Variants in CLK4 observed in about 807,000 individuals in gnomAD.
CLK4 encodes the protein dual specificity protein kinase CLK4.
Under a neutral mutation model 64.4 loss-of-function variants are expected in CLK4, and 37 were observed. The observed-to-expected ratio is 0.57, with a 90% CI of 0.44 to 0.76. The LOEUF is 0.76. CLK4 is among the 30% of genes least tolerant of loss of function. CLK4 has a pLI of 0.00. For missense variants in CLK4, 457 were observed against 605.1 expected (o/e 0.76, Z 2.57); for synonymous variants, 175 against 191.6 (o/e 0.91, Z 0.72).
rs564040478 is a variant in CLK4, at chr5:178,611,305, C to CT, written c.1051+1110dup. Among the ~76,000 whole-genome samples, 517 of 152,308 alleles carry CT rather than the reference C, an allele frequency of 3.4e-3. 1 individual carries two copies. Among genetic ancestry groups the CT allele is most frequent in the African/African-American group, 0.011 (466 of 41,554 alleles). On this transcript the variant is annotated intron_variant, in intron 9 of 12. Coordinates refer to ENST00000316308, the MANE Select transcript of CLK4 (RefSeq NM_020666.3). ...TTCTTTTACCCTTACACAGTAGCTC[C>CT]TTTCAATTTGTACTACGCAGAAACC...
At position 178,626,973 on chromosome 5, in the gene CLK4, C is replaced by G. The variant is rs1375273795; in HGVS notation, c.-28G>C. 6.5e-6 allele frequency: 1 copy of G among 152,798 alleles called. No individual in the cohort carries two copies. Among genetic ancestry groups the G allele is most frequent in the Non-Finnish European group, 1.5e-5 (1 of 68,134 alleles). The allele number at this position is 152,798 out of a possible 1,614,324, so 9.5% of individuals were successfully genotyped here. A position where few individuals can be genotyped will look rare whatever the true frequency, so the allele number is the denominator to read the frequency against. ...CCGCAAAAGCAAATGGCCCTTCGGC[C>G]GAGAAATGTCGCCAAACTGCCGTCT... On this transcript the variant is annotated 5_prime_UTR_variant, in exon 1 of 13. Coordinates refer to ENST00000316308, the MANE Select transcript of CLK4 (RefSeq NM_020666.3).
rs1430041560 is a variant in CLK4, at chr5:178,617,908, G to A, written c.385-474C>T. The A allele has an allele frequency of 2.0e-5, 3 of 152,046 alleles. No individual in the cohort carries two copies. The highest frequency in any genetic ancestry group is 2.0e-4 in the Admixed American group (3 of 15,264). 9.4% of individuals were successfully genotyped at this position (152,046 alleles called of 1,614,324 possible). A position where few individuals can be genotyped will look rare whatever the true frequency, so the allele number is the denominator to read the frequency against. On this transcript the variant is annotated intron_variant, in intron 3 of 12. Coordinates refer to ENST00000316308, the MANE Select transcript of CLK4 (RefSeq NM_020666.3). The surrounding 1 kb of genome is among the most constrained non-coding windows in gnomAD (Gnocchi z 5.2). The stretch of plus-strand genomic sequence containing the variant: ...GATTAAAATAAAAGGGGAAAATAAA[G>A]GCTAGTTAATTTCAATGTTCAATCT...
intron 9 of CLK4, among the ~76,000 whole-genome samples, chr5:178,609,034 A>G (rs1326035708): frequency 6.6e-6 from 1 of 152,188 alleles, no homozygotes; most frequent in Non-Finnish European, 1.5e-5. Flanking sequence ...ATTGGAGCTC[A>G]GAGAGGGATC....
rs1764635846 is a variant in CLK4, at chr5:178,616,930, A to G, written c.494T>C (p.Leu165Ser). 1.2e-6 allele frequency: 2 copies of G among 1,613,676 alleles called. No individual in the cohort carries two copies. The highest frequency in any genetic ancestry group is 1.7e-6 in the Non-Finnish European group (2 of 1,179,534). ...AACTTTGCCAAAGGCTCCTTCACCC[A>G]AAGTGTCCACGATTTCATCTAGAGT... ...LRARYEIVDTLGEGAFGKVVE... is the reference protein window; with the variant it reads ...LRARYEIVDTSGEGAFGKVVE... The change falls in exon 5 of 13, where the codon TTG becomes TCG. Residue 165 changes from leucine to serine, a missense_variant. Coordinates refer to ENST00000316308, the MANE Select transcript of CLK4 (RefSeq NM_020666.3).
intron 9 of CLK4, among the ~76,000 whole-genome samples, chr5:178,611,118 A>C (rs548545178): frequency 2.6e-5 from 4 of 152,154 alleles, no homozygotes; most frequent in Admixed American, 1.3e-4. Context: ...TATTTTACTC[A>C]ATCTAGGATA....
Position 178,613,944 on chromosome 5 carries a change from A to G in CLK4, c.543-101T>C, listed in dbSNP as rs905988941. On this transcript the variant is annotated intron_variant, in intron 5 of 12. Coordinates refer to ENST00000316308, the MANE Select transcript of CLK4 (RefSeq NM_020666.3). ...TCTTAATTACCAATTCCTCTATGCC[A>G]TTTAAAATAATCTTTCAGAACATAT... 8.0e-6 allele frequency: 6 copies of G among 746,244 alleles called. No individual in the cohort carries two copies. In the African/African-American group the frequency reaches 8.9e-5, roughly 11 times the overall value. 46.2% of individuals were successfully genotyped at this position (746,244 alleles called of 1,614,324 possible).
At chr5:178,621,213 G>C (rs1265474538) in intron 2 of CLK4, among the ~76,000 whole-genome samples, 1 of 152,164 alleles carries the variant, frequency 6.6e-6, no homozygotes, top group African/African-American at 2.4e-5. Flanking sequence ...CTGGGCCTTA[G>C]GTCATACTCA....
In CLK4 at chr5:178,609,357, C is replaced by T. The variant is rs2113802500; in HGVS notation, c.1052-899G>A. ...TTAAGTCATTTTTGTTAACCATCCG[C>T]TCCAGTGTCTGTCATTTGAACAAAT... On this transcript the variant is annotated intron_variant, in intron 9 of 12. Transcript: ENST00000316308. 1.3e-5 allele frequency among the ~76,000 whole-genome samples: 2 copies of T among 152,308 alleles called. 1 individual carries two copies. The highest frequency in any genetic ancestry group is 4.1e-4 in the South Asian group (2 of 4,830).
intron 10 of CLK4, among the ~76,000 whole-genome samples, chr5:178,606,786 A>T (rs958377301): frequency 1.3e-4 from 19 of 151,922 alleles, no homozygotes; most frequent in African/African-American, 4.1e-4. Context: ...AACACAGCAA[A>T]ACCCTCTACT....
chr5:178,613,555 A>G lies in CLK4; in HGVS notation c.744T>C (p.Asp248=), dbSNP rs1764587223. 6.2e-7 allele frequency: 1 copy of G among 1,612,382 alleles called. No individual in the cohort carries two copies. The highest frequency in any genetic ancestry group is 2.2e-5 in the East Asian group (1 of 44,812). Residue 248 remains aspartate (D), a synonymous_variant, in exon 7 of 13, where the codon GAT becomes GAC. Transcript: ENST00000316308. The part of the protein sequence containing the change: ...VFELLGLSTY[D]FIKENSFLPF... ...GCAGAAAGCTGTTTTCTTTAATGAA[A>G]TCGTAAGTACTAAGTCCCAGTAGTT...
At position 178,616,904 on chromosome 5, in the gene CLK4, C is replaced by G; in HGVS notation, c.520G>C (p.Val174Leu). Reference sequence around the variant, plus strand: ...TACATGCCATGATCAATGCACTCTACAACTTTGCCAAAGGCTCCTTCACCC... The same window carrying G: ...TACATGCCATGATCAATGCACTCTAGAACTTTGCCAAAGGCTCCTTCACCC... ...TLGEGAFGKV[V>L]ECIDHGMDGM... Residue 174 changes from valine (V) to leucine (L), a missense_variant, in exon 5 of 13, where the codon GTA (valine) becomes CTA (leucine). Physicochemically the swap from Val to Leu is conservative, Grantham distance 32. Transcript: ENST00000316308. The G allele has an allele frequency of 1.2e-6, 2 of 1,613,922 alleles. No individual in the cohort carries two copies. Among genetic ancestry groups the G allele is most frequent in the South Asian group, 2.2e-5 (2 of 91,084 alleles).
intron 2 of CLK4, chr5:178,622,322 C>G (rs1236396968): frequency 1.9e-6 from 1 of 540,076 alleles, no homozygotes; most frequent in East Asian, 1.5e-4. Context: ...CATGATTTGT[C>G]TGCACTGACT....
At chr5:178,620,826 G>T (rs918713225) in intron 2 of CLK4, among the ~76,000 whole-genome samples, 3 of 152,112 alleles carry the variant, frequency 2.0e-5, no homozygotes, top group African/African-American at 7.2e-5. Context: ...TCAGAGATGG[G>T]GGAAAAAATC....
intron 2 of CLK4, chr5:178,622,352 G>T: frequency 1.2e-6 from 1 of 854,672 alleles, no homozygotes; most frequent in Non-Finnish European, 1.4e-6. Context: ...CTGTTTGGCA[G>T]AACAAGTCTG....
At position 178,607,402 on chromosome 5, in the gene CLK4, T is replaced by C. The variant is rs145113223; in HGVS notation, c.1134+974A>G. Among the ~76,000 whole-genome samples, 15 of 152,170 alleles carry C rather than the reference T, an allele frequency of 9.9e-5. No individual in the cohort carries two copies. In the East Asian group the frequency reaches 2.5e-3, roughly 25 times the overall value. ...CTATTTCTTCTTCCTTATATGCCCA[T>C]TGCACTCCAGTTTTCTAACTCCTCC... On this transcript the variant is annotated intron_variant, in intron 10 of 12. Coordinates refer to ENST00000316308, the MANE Select transcript of CLK4 (RefSeq NM_020666.3).
chr5:178,621,537 G>C (rs1581711266), intron 2 of CLK4, among the ~76,000 whole-genome samples: 1 of 152,186 alleles, frequency 6.6e-6, no homozygotes, highest in East Asian at 1.9e-4. Context: ...TTAATAAATA[G>C]GCTAAGAATA....
At chr5:178,615,269 G>A (rs775317089) in intron 5 of CLK4, among the ~76,000 whole-genome samples, 1 of 152,090 alleles carries the variant, frequency 6.6e-6, no homozygotes, top group Admixed American at 6.6e-5. Flanking sequence ...GACATTAATG[G>A]GATGACTGGT....
rs777216241 is a variant in CLK4 at position 178,613,528 on chromosome 5, T to A, written c.771A>T (p.Pro257=). Residue 257 remains proline (P), a synonymous_variant, in exon 7 of 13, where the codon CCA becomes CCT. Coordinates refer to ENST00000316308, the MANE Select transcript of CLK4 (RefSeq NM_020666.3). ...TCTGCCTGATGTGGTCAATTTGAAA[T>A]GGCAGAAAGCTGTTTTCTTTAATGA... ...YDFIKENSFL[P]FQIDHIRQMA... is the part of the protein sequence containing the mutation. 6.2e-7 allele frequency: 1 copy of A among 1,611,524 alleles called. No homozygotes were observed. Among genetic ancestry groups the A allele is most frequent in the African/African-American group, 1.3e-5 (1 of 74,880 alleles).
intron 10 of CLK4, among the ~76,000 whole-genome samples, chr5:178,607,814 C>G (rs1434153812): frequency 6.6e-6 from 1 of 152,024 alleles, no homozygotes; most frequent in Non-Finnish European, 1.5e-5. Flanking sequence ...CTGGCCCTCC[C>G]TACCTACACT....
Sources: allele counts gnomAD v4.1 joint callset (sites outside exome capture counted in the v4.1 genomes callset), GRCh38; gene constraint gnomAD v4.1.1; non-coding constraint Gnocchi (gnomAD v3.1); transcripts MANE v1.5; gene names NCBI Gene and HGNC (gene_info 2026-07-23, HGNC 2026-07-21).